The following NARS2 variants were observed in gnomAD, a reference collection of about 807,000 sequenced individuals.
NARS2 encodes asparaginyl-tRNA synthetase 2, mitochondrial.
In NARS2, 60 loss-of-function variants were observed where a neutral mutation model predicts 62.9. The ratio of observed to expected loss-of-function variants is 0.95; its 90% CI spans 0.77 to 1.18. The LOEUF is 1.18. NARS2 is among the 50% of genes most tolerant of loss of function. NARS2 has a pLI of 0.00. For synonymous variants in NARS2, 196 were observed against 200.0 expected (o/e 0.98, Z 0.17); for missense variants, 619 against 576.4 (o/e 1.07, Z -0.76).
At chr11:78,468,150 G>A (rs971421263) in intron 10 of NARS2, among the ~76,000 whole-genome samples, 4 of 150,692 alleles carry the variant, frequency 2.7e-5, no homozygotes, top group Non-Finnish European at 4.4e-5. Flanking sequence ...AGTTCAAGAT[G>A]AGCTCAGGCA....
intron 6 of NARS2, among the ~76,000 whole-genome samples, chr11:78,521,146 T>C (rs1460451987): frequency 6.6e-6 from 1 of 150,920 alleles, no homozygotes; most frequent in South Asian, 2.1e-4. Context: ...TATCAATTTG[T>C]TTTCTTATTC....
At position 78,508,834 on chromosome 11, in the gene NARS2, A is replaced by T. The variant is rs112913548; in HGVS notation, c.690-15639T>A. Among the ~76,000 whole-genome samples the T allele has an allele frequency of 2.5e-3, 373 of 152,198 alleles. 1 individual carries two copies. The highest frequency in any genetic ancestry group is 8.1e-3 in the African/African-American group (338 of 41,536). On this transcript the variant is annotated intron_variant, in intron 6 of 13. Coordinates refer to ENST00000281038, the MANE Select transcript of NARS2 (RefSeq NM_024678.6). The stretch of plus-strand genomic sequence containing the variant: ...TCTCATGTAAGGAATCTTCAATAAG[A>T]TTATCAACAGGCCAGGCACAGTGCA...
chr11:78,573,537 A>G (rs533321749), intron 1 of NARS2: 1 of 152,374 alleles, frequency 6.6e-6, no homozygotes, highest in South Asian at 2.1e-4. Context: ...CCCTGTCTCA[A>G]AAAATAAATA....
At chr11:78,536,869 G>A (rs1855374180) in intron 5 of NARS2, among the ~76,000 whole-genome samples, 1 of 152,034 alleles carries the variant, frequency 6.6e-6, no homozygotes, top group East Asian at 1.9e-4. Context: ...GTCCATTCAT[G>A]GTAAGTGCCC....
chr11:78,527,183 T>C (rs558219729), intron 6 of NARS2, among the ~76,000 whole-genome samples: 1 of 152,330 alleles, frequency 6.6e-6, no homozygotes, highest in East Asian at 1.9e-4. Flanking sequence ...CCTAGCACTC[T>C]TATTCCAACT....
intron 11 of NARS2, among the ~76,000 whole-genome samples, chr11:78,451,423 T>C (rs1259709682): frequency 6.6e-6 from 1 of 152,200 alleles, no homozygotes; most frequent in Admixed American, 6.5e-5. Flanking sequence ...ACACAGGCAA[T>C]TACACAAATT....
intron 7 of NARS2, among the ~76,000 whole-genome samples, chr11:78,488,684 T>C (rs1165094580): frequency 6.6e-6 from 1 of 152,154 alleles, no homozygotes; most frequent in Non-Finnish European, 1.5e-5. Flanking sequence ...AACTATAAGA[T>C]AAAGGGGTGA....
At chr11:78,531,748 A>G (rs748843052) in intron 5 of NARS2, among the ~76,000 whole-genome samples, 2 of 152,228 alleles carry the variant, frequency 1.3e-5, no homozygotes, top group African/African-American at 2.4e-5. Context: ...AACATAGATG[A>G]ACAATGAAAA....
intron 5 of NARS2, among the ~76,000 whole-genome samples, chr11:78,537,160 T>C (rs553849225): frequency 6.6e-6 from 1 of 152,324 alleles, no homozygotes; most frequent in African/African-American, 2.4e-5. Context: ...TCTCAGAAAG[T>C]ATCTCCATCG....
chr11:78,501,694 AAAT>A (rs1282840908), intron 6 of NARS2, among the ~76,000 whole-genome samples: 1 of 152,226 alleles, frequency 6.6e-6, no homozygotes, highest in East Asian at 1.9e-4. Flanking sequence ...TGAAAATAAA[AAAT>A]AACAATGTTG....
chr11:78,505,851 A>C (rs554830776), intron 6 of NARS2, among the ~76,000 whole-genome samples: 1 of 152,182 alleles, frequency 6.6e-6, no homozygotes, highest in African/African-American at 2.4e-5. Context: ...ACATAAGAAA[A>C]AGACTATAAT....
chr11:78,550,209 G>GA (rs1856046050), intron 5 of NARS2, among the ~76,000 whole-genome samples: 2 of 152,186 alleles, frequency 1.3e-5, no homozygotes, highest in African/African-American at 2.4e-5. Context: ...TAATCAGCAT[G>GA]ATAACAAAGT....
chr11:78,498,686 T>C (rs1426313750), intron 6 of NARS2, among the ~76,000 whole-genome samples: 3 of 135,428 alleles, frequency 2.2e-5, no homozygotes, highest in African/African-American at 2.8e-5. Context: ...TTTTTTTTTT[T>C]CCTGTTGGTT....
chr11:78,477,887 G>C (rs1035356096), intron 9 of NARS2, among the ~76,000 whole-genome samples: 13 of 151,996 alleles, frequency 8.6e-5, no homozygotes, highest in Non-Finnish European at 1.5e-4. Flanking sequence ...AATTACGTGA[G>C]CCAATTCTTT....
At chr11:78,452,580 A>G (rs756365496) in intron 11 of NARS2, among the ~76,000 whole-genome samples, 3 of 150,668 alleles carry the variant, frequency 2.0e-5, no homozygotes, top group Non-Finnish European at 4.4e-5. Flanking sequence ...GGTTAATATT[A>G]TTTTTTTTTG....
chr11:78,566,139 A>T lies in NARS2; in HGVS notation c.506T>A (p.Phe169Tyr), dbSNP rs144653284. The change falls in exon 4 of 14, where the codon TTC (phenylalanine) becomes TAC (tyrosine). Residue 169 changes from phenylalanine (F) to tyrosine (Y), a missense_variant. Coordinates refer to ENST00000281038, the MANE Select transcript of NARS2 (RefSeq NM_024678.6). ...GAACTTTTAGGATCTTACCTTAAAG[A>T]AAGAATGAATAGCAGCTGTCGCTTC... Reference protein sequence around the residue: ...RSEATAAIHSFFKDSGFVHIH... With the variant: ...RSEATAAIHSYFKDSGFVHIH... The T allele has an allele frequency of 3.1e-6, 5 of 1,605,898 alleles. No homozygotes were observed. Among genetic ancestry groups the T allele is most frequent in the Middle Eastern group, 3.3e-4 (2 of 6,032 alleles).
chr11:78,465,006 C>T lies in NARS2; in HGVS notation c.1164+870G>A, dbSNP rs534075460. On this transcript the variant is annotated intron_variant, in intron 11 of 13. Transcript: ENST00000281038. ...CCCTTGGGTGGTCAATGGGACTGGG[C>T]GCCGTGGAGCAGGGGGCGGCGCTCG... Among the ~76,000 whole-genome samples, 42 of 152,312 alleles carry T rather than the reference C, an allele frequency of 2.8e-4. No homozygotes were observed. In the South Asian group the frequency reaches 7.7e-3, roughly 28 times the overall value.
chr11:78,527,974 C>T (rs1861350036), intron 6 of NARS2, among the ~76,000 whole-genome samples: 2 of 152,114 alleles, frequency 1.3e-5, no homozygotes, highest in South Asian at 2.1e-4. Context: ...GCTAAGTGTG[C>T]TGGCACATGC....
At chr11:78,451,874 T>C (rs1329602882) in intron 11 of NARS2, among the ~76,000 whole-genome samples, 1 of 152,150 alleles carries the variant, frequency 6.6e-6, no homozygotes, top group Non-Finnish European at 1.5e-5. Context: ...ACTCTGAAAT[T>C]GAGCAACCGT....
Sources: allele counts gnomAD v4.1 joint callset (sites outside exome capture counted in the v4.1 genomes callset), GRCh38; gene constraint gnomAD v4.1.1; transcripts MANE v1.5; gene names NCBI Gene and HGNC (gene_info 2026-07-23, HGNC 2026-07-21).